The following SLC5A11 variants were observed in gnomAD, a reference collection of about 807,000 sequenced individuals.
SLC5A11 encodes the protein solute carrier family 5 member 11, also known as sodium/myo-inositol cotransporter 2.
A neutral mutation model predicts 69.8 loss-of-function variants in SLC5A11; 48 were observed. The ratio of observed to expected loss-of-function variants is 0.69; its 90% CI spans 0.55 to 0.87. The LOEUF (loss-of-function observed/expected upper bound fraction) is 0.87, where lower values mean the gene tolerates loss of function less well. SLC5A11 is among the 40% of genes least tolerant of loss of function. SLC5A11 has a pLI of 0.00. For missense variants in SLC5A11, 784 were observed against 866.1 expected, an observed-to-expected ratio of 0.91 and a Z score of 1.19; for synonymous variants, 319 against 342.4, an observed-to-expected ratio of 0.93 and a Z score of 0.75.
chr16:24,877,164 G>A, intron 6 of SLC5A11, 94 bp from the exon 8 acceptor site: 2 of 1,561,994 alleles, frequency 1.3e-6, no homozygotes, highest in Non-Finnish European at 1.7e-6. Context: ...TCAGCATCTA[G>A]GCTAGGCCCT....
chr16:24,906,696 T>G (rs1225591693), exon 11 of SLC5A11: 1 of 1,613,442 alleles, frequency 6.2e-7, no homozygotes, highest in Non-Finnish European at 8.5e-7. Flanking sequence ...TGCCAGAAGA[T>G]CTGCAGCAAC....
At chr16:24,911,413 G>A (rs751914137) in exon 16 of SLC5A11, 164 of 1,613,932 alleles carry the variant, frequency 1.0e-4, no homozygotes, top group Non-Finnish European at 1.1e-4. Flanking sequence ...AAGAGCTCCC[G>A]GCCAGAGCAG....
chr16:24,849,593 A>AAAAAAAAATATATATAT, intron 1 of SLC5A11, among the ~76,000 whole-genome samples: 3 of 35,906 alleles, frequency 8.4e-5, no homozygotes, highest in Non-Finnish European at 1.1e-4. Context: ...AAAAAAAAAA[A>AAAAAAAAATATATATAT]ATATATATAT....
rs201881135 is a variant in SLC5A11 at position 24,865,592 on chromosome 16, G to GT, written c.207+2926dup. 9.4e-3 allele frequency among the ~76,000 whole-genome samples: 1,436 copies of GT among 152,150 alleles called. 16 individuals carry two copies. The highest frequency in any genetic ancestry group is 0.015 in the Admixed American group (223 of 15,278). ...AAGTCTTCAATAAGATTATCAGCTG[G>GT]TTTTTTCATCAGAAACCATGGAAGC... On this transcript the variant is annotated intron_variant, in intron 3 of 15. Transcript: ENST00000347898.
chr16:24,910,147 G>A (rs1414202581), intron 14 of SLC5A11, among the ~76,000 whole-genome samples, 159 bp from the exon 16 acceptor site: 2 of 112,462 alleles, frequency 1.8e-5, no homozygotes, highest in African/African-American at 3.4e-5. Context: ...AAGAGTGCAG[G>A]AACATGATGC....
intron 3 of SLC5A11, among the ~76,000 whole-genome samples, chr16:24,869,337 A>G (rs1450804265): frequency 6.6e-6 from 1 of 152,160 alleles, no homozygotes; most frequent in African/African-American, 2.4e-5. Flanking sequence ...TCCCCGTTCC[A>G]AATTCCCAGG....
At position 24,905,685 on chromosome 16, in the gene SLC5A11, G is replaced by C. The variant is rs996710662; in HGVS notation, c.1007-972G>C. On this transcript the variant is annotated intron_variant, in intron 10 of 15. Coordinates refer to ENST00000347898, the Ensembl canonical transcript of SLC5A11. ...ACACACACACACACACACACACACA[G>C]AGTTTAGAAATGCAGTATTTACAGA... is the stretch of plus-strand genomic sequence containing the variant. 3.5e-5 allele frequency among the ~76,000 whole-genome samples: 5 copies of C among 144,402 alleles called. No individual in the cohort carries two copies. In the East Asian group the frequency reaches 6.4e-4, roughly 19 times the overall value. The allele number at this position is 144,402 out of a possible 152,430, so 94.7% of individuals were successfully genotyped here. A position where few individuals can be genotyped will look rare whatever the true frequency, so the allele number is the denominator to read the frequency against.
chr16:24,903,172 C>A (rs948937343), intron 10 of SLC5A11, among the ~76,000 whole-genome samples: 6 of 151,428 alleles, frequency 4.0e-5, no homozygotes. Flanking sequence ...GAATCAGAAT[C>A]CCTGGAGGGA....
chr16:24,870,935 T>C (rs1229934288), intron 4 of SLC5A11, among the ~76,000 whole-genome samples: 2 of 152,142 alleles, frequency 1.3e-5, no homozygotes, highest in Admixed American at 1.3e-4. Context: ...TCAGTAGTTT[T>C]TGACTTTGTT....
rs745773719 is a variant in SLC5A11 at position 24,871,374 on chromosome 16, C to T, written c.313-786C>T. On this transcript the variant is annotated intron_variant, in intron 4 of 15. Coordinates refer to ENST00000347898, the Ensembl canonical transcript of SLC5A11. Reference sequence around the variant, plus strand: ...CAACCTCCACCTCTCAGGCTCAAACCATCCTCCCACTTCAGCCTCCCAAGT... The same window carrying T: ...CAACCTCCACCTCTCAGGCTCAAACTATCCTCCCACTTCAGCCTCCCAAGT... Among the ~76,000 whole-genome samples the T allele has an allele frequency of 3.6e-4, 55 of 152,060 alleles. 1 individual carries two copies. The highest frequency in any genetic ancestry group is 6.2e-4 in the Non-Finnish European group (42 of 68,014).
rs1241760304 is a variant in SLC5A11 at position 24,906,650 on chromosome 16, T to A, written c.1007-7T>A. ...TGCTCACCTCTGGGCCTGTGTTTCC[T>A]TCGTAGATCAAGTGGCCTGTGCAGA... On this transcript the variant is annotated splice_region_variant and splice_polypyrimidine_tract_variant and intron_variant, in intron 10 of 15. Coordinates refer to ENST00000347898, the Ensembl canonical transcript of SLC5A11. The A allele has an allele frequency of 3.8e-6, 6 of 1,597,814 alleles. No individual in the cohort carries two copies. The highest frequency in any genetic ancestry group is 5.1e-6 in the Non-Finnish European group (6 of 1,170,946).
chr16:24,867,229 T>G (rs576196336), intron 3 of SLC5A11, among the ~76,000 whole-genome samples: 1 of 152,170 alleles, frequency 6.6e-6, no homozygotes, highest in African/African-American at 2.4e-5. Flanking sequence ...CCTTGGAAAA[T>G]TCCCAAATAC....
chr16:24,874,350 A>G (rs1253864510), intron 5 of SLC5A11, among the ~76,000 whole-genome samples: 1 of 152,186 alleles, frequency 6.6e-6, no homozygotes, highest in East Asian at 1.9e-4. Flanking sequence ...TCTACCTCTA[A>G]GTGGAATTTC....
At chr16:24,879,127 G>GT (rs1284716559) in intron 7 of SLC5A11, among the ~76,000 whole-genome samples, 2 of 151,528 alleles carry the variant, frequency 1.3e-5, no homozygotes, top group Non-Finnish European at 1.5e-5. Flanking sequence ...TGGAGGACAG[G>GT]TTTTTTTTGG....
intron 1 of SLC5A11, among the ~76,000 whole-genome samples, chr16:24,847,797 T>C (rs1336070556): frequency 6.6e-6 from 1 of 152,262 alleles, no homozygotes; most frequent in Non-Finnish European, 1.5e-5. Context: ...GCAAAGGATC[T>C]ATAGCAAAGG....
At chr16:24,909,966 G>C (rs925834974) in intron 14 of SLC5A11, among the ~76,000 whole-genome samples, 17 of 151,964 alleles carry the variant, frequency 1.1e-4, no homozygotes, top group Admixed American at 4.6e-4. Flanking sequence ...AATCCCTGTG[G>C]CCAGAGAAAC....
intron 3 of SLC5A11, among the ~76,000 whole-genome samples, chr16:24,866,247 A>AT (rs913974668): frequency 2.1e-3 from 311 of 148,454 alleles, no homozygotes; most frequent in African/African-American, 6.7e-3. Flanking sequence ...CAGAGAATGG[A>AT]TTTTTTTTTT....
chr16:24,868,717 TAAG>T (rs1366470183), intron 3 of SLC5A11, among the ~76,000 whole-genome samples: 2 of 152,128 alleles, frequency 1.3e-5, no homozygotes, highest in African/African-American at 2.4e-5. Context: ...TAGAATTTGA[TAAG>T]AAGCAGAGAC....
Position 24,858,839 on chromosome 16 carries a change from C to T in SLC5A11, c.135+61C>T, listed in dbSNP as rs560200048. ...AGAAGGAAATGTCTGTTTAGAGGTCCGGAGTTAACCTCATCCTTTTGGAGC... is the reference window on the plus strand; with the variant it reads ...AGAAGGAAATGTCTGTTTAGAGGTCTGGAGTTAACCTCATCCTTTTGGAGC... On this transcript the variant is annotated intron_variant, in intron 2 of 15. Transcript: ENST00000347898. 426 of 1,538,930 alleles carry T rather than the reference C, an allele frequency of 2.8e-4. 1 individual carries two copies. In the South Asian group the frequency reaches 5.0e-3, roughly 18 times the overall value.
Sources: gnomAD v4.1 joint callset for allele counts (sites outside exome capture counted in the v4.1 genomes callset) on GRCh38, gnomAD v4.1.1 for gene constraint, MANE v1.5 for transcripts, NCBI Gene and HGNC (gene_info 2026-07-23, HGNC 2026-07-21) for gene names.